Variants in DTNA observed in about 807,000 individuals in gnomAD.
DTNA encodes dystrophin-related protein 3.
In DTNA, 43 loss-of-function variants were observed where a neutral mutation model predicts 100.7. The observed-to-expected ratio is 0.43, with a 90% confidence interval of 0.33 to 0.55. The LOEUF is 0.55. DTNA is among the 20% of genes least tolerant of loss of function. DTNA has a pLI of 0.04. For missense variants in DTNA, 798 were observed against 953.9 expected, an observed-to-expected ratio of 0.84 and a Z score of 2.15; for synonymous variants, 349 against 347.9, an observed-to-expected ratio of 1.00 and a Z score of -0.04.
At chr18:34,812,242 A>G in intron 6 of DTNA, 129 bp downstream of exon 6, 4 of 1,350,056 alleles carry the variant, frequency 3.0e-6, no homozygotes, top group Non-Finnish European at 4.1e-6. Flanking sequence ...TGTATTTTTC[A>G]GCCTCTGGCA....
chr18:34,494,005 G>A (rs2038875894), intron 1 of DTNA: 1 of 150,432 alleles, frequency 6.6e-6, no homozygotes, highest in Non-Finnish European at 1.5e-5. Context: ...CCGGCCCGGG[G>A]GCGCGGGGCC....
intron 1 of DTNA, among the ~76,000 whole-genome samples, chr18:34,625,913 GTCT>G (rs1295546129): frequency 6.6e-6 from 1 of 152,172 alleles, no homozygotes; most frequent in African/African-American, 2.4e-5. Context: ...AAAGCATGAG[GTCT>G]TCTTTGGGGA....
chr18:34,868,154 CAAA>C (rs34776092), intron 17 of DTNA: 2,381 of 177,578 alleles, frequency 0.013, no homozygotes, highest in Non-Finnish European at 0.017. Flanking sequence ...GGCAATGAAG[CAAA>C]AAAAAAAAAA....
intron 1 of DTNA, among the ~76,000 whole-genome samples, chr18:34,719,252 G>A (rs2084739054): frequency 6.6e-6 from 1 of 152,082 alleles, no homozygotes; most frequent in Admixed American, 6.6e-5. Context: ...GCTGAGGCAG[G>A]AGAATCACTT....
chr18:34,825,107 C>T lies in DTNA; in HGVS notation c.1002-2486C>T, dbSNP rs1626394. 0.3 allele frequency among the ~76,000 whole-genome samples: 45,640 copies of T among 151,504 alleles called. 7,643 individuals are homozygous for T. Among genetic ancestry groups the T allele is most frequent in the African/African-American group, 0.46 (18,822 of 41,262 alleles). On this transcript the variant is annotated intron_variant, in intron 9 of 22. Coordinates refer to ENST00000444659, the MANE Select transcript of DTNA (RefSeq NM_001386795.1). ...CCAAGGGACTTTTTTTTTCTACCCA[C>T]CTTGTAGAGAGGTGCTGCCAGTCAT...
chr18:34,867,679 G>T (rs897284438), intron 17 of DTNA: 3 of 987,010 alleles, frequency 3.0e-6, no homozygotes, highest in Non-Finnish European at 3.6e-6. Flanking sequence ...CATTTCCCTT[G>T]GGGATACTTT....
In DTNA at chr18:34,680,645, G is replaced by T. The variant is rs76856129; in HGVS notation, c.-1-75331G>T. ...CATAAACTTACAGGTGTATAAATTT[G>T]GTTTATAGAGATTGGATTTAGAACT... On this transcript the variant is annotated intron_variant, in intron 1 of 19. Transcript: ENST00000283365. Among the ~76,000 whole-genome samples, 689 of 152,058 alleles carry T rather than the reference G, an allele frequency of 4.5e-3. 6 individuals carry two copies. The highest frequency in any genetic ancestry group is 0.015 in the African/African-American group (639 of 41,472).
intron 1 of DTNA, among the ~76,000 whole-genome samples, chr18:34,622,868 G>T (rs1225269683): frequency 6.6e-6 from 1 of 152,086 alleles, no homozygotes; most frequent in Admixed American, 6.5e-5. Flanking sequence ...AAAGTCTCCA[G>T]CTTGCAGATG....
Position 34,734,296 on chromosome 18 carries a change from C to T in DTNA, c.-1-21680C>T, listed in dbSNP as rs148129416. 5.5e-3 allele frequency among the ~76,000 whole-genome samples: 842 copies of T among 152,170 alleles called. 5 individuals carry two copies. The highest frequency in any genetic ancestry group is 0.02 in the African/African-American group (821 of 41,520). ...TCGAAAGGCTGATGGCAGTATGGGTCAGGGAGGGGATGTTGACTCTACTGG... is the reference window on the plus strand; with the variant it reads ...TCGAAAGGCTGATGGCAGTATGGGTTAGGGAGGGGATGTTGACTCTACTGG... On this transcript the variant is annotated intron_variant, in intron 1 of 22. Coordinates refer to ENST00000444659, the MANE Select transcript of DTNA (RefSeq NM_001386795.1).
At chr18:34,715,091 A>C (rs903520018) in intron 1 of DTNA, among the ~76,000 whole-genome samples, 2 of 151,394 alleles carry the variant, frequency 1.3e-5, no homozygotes, top group Non-Finnish European at 2.9e-5. Context: ...TAGCATTGGG[A>C]GATATACCTA....
intron 1 of DTNA, among the ~76,000 whole-genome samples, chr18:34,532,392 A>G (rs2043226493): frequency 6.6e-6 from 1 of 152,128 alleles, no homozygotes; most frequent in East Asian, 1.9e-4. Flanking sequence ...CTGTAAAAAG[A>G]CAAGTCAGGT....
At chr18:34,663,139 T>TTTTA (rs2075418827) in intron 1 of DTNA, among the ~76,000 whole-genome samples, 1 of 152,040 alleles carries the variant, frequency 6.6e-6, no homozygotes, top group Non-Finnish European at 1.5e-5. Flanking sequence ...AATGACGTTA[T>TTTTA]TTTATTTATT....
Position 34,882,023 on chromosome 18 carries a change from C to A in DTNA, c.2163-46C>A, listed in dbSNP as rs181983217. The A allele has an allele frequency of 3.7e-6, 6 of 1,613,722 alleles. No homozygotes were observed. In the East Asian group the frequency reaches 6.7e-5, roughly 18 times the overall value. ...TCACACATGAATCCCGCTTGTAATT[C>A]TCTTTTAAGATTTGCTCTAACATGT... On this transcript the variant is annotated intron_variant, in intron 20 of 22. Transcript: ENST00000444659.
intron 1 of DTNA, among the ~76,000 whole-genome samples, chr18:34,508,055 CAATT>C (rs1392623251): frequency 6.6e-6 from 1 of 151,914 alleles, no homozygotes; most frequent in Non-Finnish European, 1.5e-5. Flanking sequence ...AATGATTATG[CAATT>C]ATTTTCTATC....
intron 1 of DTNA, among the ~76,000 whole-genome samples, chr18:34,527,334 A>C (rs1250640498): frequency 6.6e-6 from 1 of 152,072 alleles, no homozygotes; most frequent in Non-Finnish European, 1.5e-5. Context: ...GCTCGTCAAG[A>C]AATAGATTTC....
intron 1 of DTNA, among the ~76,000 whole-genome samples, chr18:34,503,404 C>A (rs1259969402): frequency 4.0e-5 from 6 of 149,866 alleles, no homozygotes; most frequent in African/African-American, 1.5e-4. Flanking sequence ...TCTCCAGCCT[C>A]AGCCTCCCGA....
intron 1 of DTNA, among the ~76,000 whole-genome samples, chr18:34,587,370 G>A (rs2049250648): frequency 6.6e-6 from 1 of 152,048 alleles, no homozygotes; most frequent in South Asian, 2.1e-4. Context: ...TGTTTCCTTA[G>A]TCAGTCTCTC....
intron 21 of DTNA, 44 bp downstream of exon 21, chr18:34,882,245 A>T: frequency 6.2e-7 from 1 of 1,608,570 alleles, no homozygotes; most frequent in Non-Finnish European, 8.5e-7. Flanking sequence ...TTCTGCCTCA[A>T]CCCCTTGGTA....
intron 1 of DTNA, among the ~76,000 whole-genome samples, chr18:34,668,604 C>T (rs1416012773): frequency 3.3e-5 from 5 of 152,014 alleles, no homozygotes; most frequent in Non-Finnish European, 5.9e-5. Flanking sequence ...TATATGTGTT[C>T]CAGAGATTCT....
Sources: gnomAD v4.1 joint callset for allele counts (sites outside exome capture counted in the v4.1 genomes callset) on GRCh38, gnomAD v4.1.1 for gene constraint, MANE v1.5 for transcripts, NCBI Gene and HGNC (gene_info 2026-07-23, HGNC 2026-07-21) for gene names.